The following GRM1 variants were observed in gnomAD, a reference collection of about 807,000 sequenced individuals.
GRM1 encodes glutamate metabotropic receptor 1, also known as metabotropic glutamate receptor 1.
In GRM1, 33 loss-of-function variants were observed where a neutral mutation model predicts 90.9. That is an observed-to-expected ratio of 0.36 (90% CI 0.28 to 0.49). The LOEUF is 0.49. Among genes scored for constraint, GRM1 ranks in the 20% least tolerant of loss-of-function variants. GRM1 has a pLI of 0.99. For synonymous variants in GRM1, 700 were observed against 613.2 expected, an observed-to-expected ratio of 1.14 and a Z score of -2.09; for missense variants, 1,190 against 1,534.3, an observed-to-expected ratio of 0.78 and a Z score of 3.75.
At position 146,383,405 on chromosome 6, in the gene GRM1, T is replaced by C. The variant is rs559174861; in HGVS notation, c.1603-3485T>C. 2.6e-5 allele frequency among the ~76,000 whole-genome samples: 4 copies of C among 152,278 alleles called. No individual in the cohort carries two copies. In the South Asian group the frequency reaches 8.3e-4, roughly 32 times the overall value. ...GCTGGTTGAAGTGACATACAATAAT[T>C]CATGATGGCTCTTACTGTACTGCTT... On this transcript the variant is annotated intron_variant, in intron 5 of 7. Transcript: ENST00000282753.
chr6:146,178,336 A>G (rs1250573994), intron 2 of GRM1, among the ~76,000 whole-genome samples: 3 of 152,164 alleles, frequency 2.0e-5, no homozygotes, highest in African/African-American at 7.2e-5. Context: ...ACAGAGGTAA[A>G]GTGCCATTTT....
At chr6:146,433,655 A>T (rs1778493796) in intron 7 of GRM1, among the ~76,000 whole-genome samples, 1 of 152,124 alleles carries the variant, frequency 6.6e-6, no homozygotes, top group Admixed American at 6.6e-5. Flanking sequence ...TTTCTACAAC[A>T]GACTGGCTTT....
intron 7 of GRM1, among the ~76,000 whole-genome samples, chr6:146,413,329 T>C (rs1257575122): frequency 6.6e-6 from 1 of 152,164 alleles, no homozygotes; most frequent in East Asian, 1.9e-4. Context: ...TAAAGTCTAG[T>C]GATTTTACTA....
At chr6:146,049,700 TATC>T (rs1311199037) in intron 1 of GRM1, among the ~76,000 whole-genome samples, 3 of 144,736 alleles carry the variant, frequency 2.1e-5, no homozygotes, top group African/African-American at 5.1e-5. Context: ...TCTATCTATC[TATC>T]ATCTCATGTT....
chr6:146,310,735 T>C (rs1783743211), intron 3 of GRM1, among the ~76,000 whole-genome samples: 1 of 152,184 alleles, frequency 6.6e-6, no homozygotes, highest in African/African-American at 2.4e-5. Context: ...TGAATTTATC[T>C]GGTAGAAGAT....
intron 7 of GRM1, among the ~76,000 whole-genome samples, chr6:146,409,193 C>G (rs1777469196): frequency 6.6e-6 from 1 of 152,170 alleles, no homozygotes; most frequent in Non-Finnish European, 1.5e-5. Flanking sequence ...CGCCCTATGC[C>G]TTCTTCATCT....
At chr6:146,084,933 G>A (rs573603401) in intron 1 of GRM1, among the ~76,000 whole-genome samples, 11 of 152,026 alleles carry the variant, frequency 7.2e-5, no homozygotes, top group African/African-American at 2.7e-4. Context: ...TTCTAGATTA[G>A]CCCACAAATC....
intron 1 of GRM1, among the ~76,000 whole-genome samples, chr6:146,135,068 A>G (rs1446781846): frequency 2.0e-5 from 3 of 152,214 alleles, no homozygotes; most frequent in East Asian, 3.8e-4. Flanking sequence ...TTGGGTGGGG[A>G]CACAGAGCCA....
chr6:146,289,659 C>G (rs1056140819), intron 2 of GRM1, among the ~76,000 whole-genome samples: 10 of 152,174 alleles, frequency 6.6e-5, no homozygotes, highest in African/African-American at 2.4e-4. Flanking sequence ...CCCACAAGCT[C>G]CATTCATAGT....
At chr6:146,428,307 G>A (rs1048163532) in intron 7 of GRM1, among the ~76,000 whole-genome samples, 1 of 152,144 alleles carries the variant, frequency 6.6e-6, no homozygotes, top group Non-Finnish European at 1.5e-5. Flanking sequence ...GATTAGTGAT[G>A]ACGGAAATAA....
At chr6:146,370,219 G>T (rs989208824) in intron 5 of GRM1, among the ~76,000 whole-genome samples, 4 of 152,056 alleles carry the variant, frequency 2.6e-5, no homozygotes, top group East Asian at 1.9e-4. Flanking sequence ...TGAAGGAAAG[G>T]TATCTAACTT....
intron 7 of GRM1, among the ~76,000 whole-genome samples, chr6:146,414,406 T>TATTA (rs1554312438): frequency 1.3e-5 from 2 of 150,340 alleles, no homozygotes. Flanking sequence ...TTATTATTAT[T>TATTA]TTTGTTGTTG....
chr6:146,149,037 A>AT (rs1777218521), intron 1 of GRM1, among the ~76,000 whole-genome samples: 1 of 152,066 alleles, frequency 6.6e-6, no homozygotes, highest in African/African-American at 2.4e-5. Flanking sequence ...TACCACTTAG[A>AT]TTTTGCCTTC....
chr6:146,426,821 C>T (rs978719337), intron 7 of GRM1, among the ~76,000 whole-genome samples: 6 of 152,278 alleles, frequency 3.9e-5, no homozygotes, highest in African/African-American at 7.2e-5. Flanking sequence ...TAAAAGGACA[C>T]TGTCAAGTTG....
intron 2 of GRM1, among the ~76,000 whole-genome samples, chr6:146,179,471 G>C (rs1047894123): frequency 2.6e-5 from 4 of 152,278 alleles, no homozygotes; most frequent in African/African-American, 9.6e-5. Context: ...TTAGATTGTA[G>C]AGTCAGTAAG....
At chr6:146,184,548 C>T (rs530548832) in intron 2 of GRM1, among the ~76,000 whole-genome samples, 28 of 151,890 alleles carry the variant, frequency 1.8e-4, no homozygotes, top group Non-Finnish European at 3.4e-4. Flanking sequence ...ACTAAAATGC[C>T]GGCATGAATT....
intron 2 of GRM1, among the ~76,000 whole-genome samples, chr6:146,290,346 A>C (rs562840413): frequency 6.6e-6 from 1 of 151,616 alleles, no homozygotes; most frequent in Admixed American, 6.6e-5. Context: ...ATTTCTTAAC[A>C]ACGTAAAAAA....
At chr6:146,067,149 G>A (rs1408579283) in intron 1 of GRM1, among the ~76,000 whole-genome samples, 1 of 152,008 alleles carries the variant, frequency 6.6e-6, no homozygotes, top group Non-Finnish European at 1.5e-5. Context: ...AATGAATTTC[G>A]CTGAGAGAAC....
chr6:146,415,539 CCT>C (rs139196101), intron 7 of GRM1, among the ~76,000 whole-genome samples: 1,956 of 152,146 alleles, frequency 0.013, 47 homozygotes, highest in African/African-American at 0.045. Context: ...GATTATGAAC[CCT>C]CTCTATTCTG....
Sources: allele counts gnomAD v4.1 joint callset (sites outside exome capture counted in the v4.1 genomes callset), GRCh38; gene constraint gnomAD v4.1.1; transcripts MANE v1.5; gene names NCBI Gene and HGNC (gene_info 2026-07-23, HGNC 2026-07-21).